Variants in DYNC2I1 observed in about 807,000 individuals in gnomAD.
The protein encoded by DYNC2I1 is cytoplasmic dynein 2 intermediate chain 1.
A neutral mutation model predicts 133.4 loss-of-function variants in DYNC2I1; 89 were observed. The ratio of observed to expected loss-of-function variants is 0.67; its 90% CI spans 0.56 to 0.80. The LOEUF (loss-of-function observed/expected upper bound fraction) is 0.80. Among genes scored for constraint, DYNC2I1 ranks in the 30% least tolerant of loss-of-function variants. DYNC2I1 has a pLI of 0.00. For missense variants in DYNC2I1, 1,291 were observed against 1,314.5 expected (o/e 0.98, Z 0.28); for synonymous variants, 504 against 484.3 (o/e 1.04, Z -0.54).
intron 24 of DYNC2I1, among the ~76,000 whole-genome samples, chr7:158,943,048 G>T (rs1851531084): frequency 6.6e-6 from 1 of 152,086 alleles, no homozygotes; most frequent in African/African-American, 2.4e-5. Context: ...CTACTGTGAG[G>T]GTTCATGTTG....
chr7:158,914,313 G>C lies in DYNC2I1; in HGVS notation c.1783G>C (p.Ala595Pro). 1.2e-6 allele frequency: 2 copies of C among 1,610,318 alleles called. No homozygotes were observed. Among genetic ancestry groups the C allele is most frequent in the East Asian group, 4.5e-5 (2 of 44,826 alleles). The change falls in exon 14 of 25, where the codon GCT becomes CCT. Residue 595 changes from alanine to proline, a missense_variant. Ala to Pro is a conservative substitution (Grantham distance 27). Coordinates refer to ENST00000407559, the MANE Select transcript of DYNC2I1 (RefSeq NM_018051.5). ...TPRLCSFLRA[A>P]CQVMAVLLEE... Reference sequence around the variant, plus strand: ...AAGGTTATGTAGCTTTCTGCGGGCTGCTTGTCAGGTATACTCAACCTATAT... The same window carrying C: ...AAGGTTATGTAGCTTTCTGCGGGCTCCTTGTCAGGTATACTCAACCTATAT...
chr7:158,939,968 C>A (rs1344363407), intron 23 of DYNC2I1, among the ~76,000 whole-genome samples: 1 of 152,088 alleles, frequency 6.6e-6, no homozygotes, highest in Non-Finnish European at 1.5e-5. Flanking sequence ...TCTATGTACC[C>A]AACACCAGAG....
Position 158,922,371 on chromosome 7 carries a change from C to G in DYNC2I1, c.1922-6C>G. The G allele has an allele frequency of 6.2e-7, 1 of 1,606,056 alleles. No individual in the cohort carries two copies. Among genetic ancestry groups the G allele is most frequent in the Non-Finnish European group, 8.5e-7 (1 of 1,178,858 alleles). On this transcript the variant is annotated splice_region_variant and splice_polypyrimidine_tract_variant and intron_variant, in intron 15 of 24. Coordinates refer to ENST00000407559, the MANE Select transcript of DYNC2I1 (RefSeq NM_018051.5). ...TGAAATGTGAACATATTTTTCTTCT[C>G]CCTAGATCGAAAAGTATCCTCCTTG...
At chr7:158,929,912 G>A (rs886160428) in intron 20 of DYNC2I1, among the ~76,000 whole-genome samples, 84 of 152,232 alleles carry the variant, frequency 5.5e-4, no homozygotes, top group African/African-American at 1.8e-3. Context: ...GTGGCTCTGT[G>A]TTGTTTGAGA....
At position 158,878,235 on chromosome 7, in the gene DYNC2I1, G is replaced by A. The variant is rs371495979; in HGVS notation, c.574-1449G>A. On this transcript the variant is annotated intron_variant, in intron 4 of 24. Transcript: ENST00000407559. The stretch of plus-strand genomic sequence containing the variant: ...CGGGTGCTGTGTGGGGAGGCCAGGA[G>A]GGCCGACTGTGAGTGCTGGGTGCCA... Among the ~76,000 whole-genome samples the A allele has an allele frequency of 6.0e-5, 9 of 149,072 alleles. No individual in the cohort carries two copies. In the South Asian group the frequency reaches 6.4e-4, roughly 11 times the overall value.
intron 1 of DYNC2I1, among the ~76,000 whole-genome samples, chr7:158,857,438 TC>T (rs1841379193): frequency 6.6e-6 from 1 of 152,194 alleles, no homozygotes; most frequent in African/African-American, 2.4e-5. Flanking sequence ...GCATACATTT[TC>T]TTCTACCTTC....
rs1842706321 is a variant in DYNC2I1 at position 158,869,639 on chromosome 7, A to AGG, written c.16-215_16-214dup. On this transcript the variant is annotated intron_variant, in intron 1 of 24. Coordinates refer to ENST00000407559, the MANE Select transcript of DYNC2I1 (RefSeq NM_018051.5). ...AATATTTAAGTTTTGAAGTAGCCAA[A>AGG]GGAACACATTTTATAATAATGTGTC... The AGG allele has an allele frequency of 8.9e-6, 5 of 562,866 alleles. No homozygotes were observed. In the Admixed American group the frequency reaches 1.2e-4, roughly 13 times the overall value. The allele number at this position is 562,866 out of a possible 1,614,324, so 34.9% of individuals were successfully genotyped here.
At chr7:158,880,112 A>G in intron 5 of DYNC2I1, 123 bp downstream of exon 5, 1 of 1,112,792 alleles carries the variant, frequency 9.0e-7, no homozygotes, top group Non-Finnish European at 1.3e-6. Context: ...GTAATTTAGG[A>G]AAAACGCAAC....
In DYNC2I1 at chr7:158,928,636, G is replaced by A. The variant is rs557579829; in HGVS notation, c.2485+1593G>A. ...CGGCACCCTCTCTGCTCATGGAGCC[G>A]TTCTGCTCTGTGTTGTCCACTCCAG... is the stretch of plus-strand genomic sequence containing the variant. On this transcript the variant is annotated intron_variant, in intron 20 of 24. Transcript: ENST00000407559. 1.2e-3 allele frequency among the ~76,000 whole-genome samples: 190 copies of A among 152,250 alleles called. 1 individual carries two copies. The highest frequency in any genetic ancestry group is 4.0e-3 in the African/African-American group (165 of 41,544).
intron 1 of DYNC2I1, among the ~76,000 whole-genome samples, chr7:158,867,195 G>A (rs1842487263): frequency 6.6e-6 from 1 of 152,142 alleles, no homozygotes; most frequent in Non-Finnish European, 1.5e-5. Flanking sequence ...TTGTACCAGG[G>A]TTGTGGGGTT....
intron 7 of DYNC2I1, among the ~76,000 whole-genome samples, chr7:158,889,030 A>AACATTT (rs1005578794): frequency 1.6e-5 from 2 of 123,320 alleles, no homozygotes; most frequent in Admixed American, 1.7e-4. Context: ...GCCAGTTTTA[A>AACATTT]ACATTTACAC....
At chr7:158,870,003 G>A in intron 2 of DYNC2I1, 95 bp downstream of exon 2, 1 of 1,055,476 alleles carries the variant, frequency 9.5e-7, no homozygotes. Flanking sequence ...TATAACTTTG[G>A]TTATGTGTGC....
At chr7:158,952,969 A>G (rs1852100095) in intron 4 of DYNC2I1, among the ~76,000 whole-genome samples, 1 of 152,166 alleles carries the variant, frequency 6.6e-6, no homozygotes, top group Non-Finnish European at 1.5e-5. Context: ...GCTCCTGCCC[A>G]ACCTCTGCCA....
At chr7:158,952,917 G>C (rs972759957) in intron 4 of DYNC2I1, among the ~76,000 whole-genome samples, 2 of 152,182 alleles carry the variant, frequency 1.3e-5, no homozygotes, top group African/African-American at 4.8e-5. Context: ...GAGCCTCAGC[G>C]CCTGCTGTGC....
intron 14 of DYNC2I1, among the ~76,000 whole-genome samples, chr7:158,915,654 G>T (rs868343409): frequency 1.7e-5 from 2 of 118,402 alleles, no homozygotes; most frequent in Non-Finnish European, 3.5e-5. Flanking sequence ...CCTCGACACG[G>T]TGGTTGACAT....
At chr7:158,909,330 C>G (rs1196024538) in intron 11 of DYNC2I1, among the ~76,000 whole-genome samples, 1 of 46,728 alleles carries the variant, frequency 2.1e-5, no homozygotes, top group African/African-American at 6.4e-5. Context: ...GACTCTGTCT[C>G]AAAAAAAAAA....
rs1229748010 is a variant in DYNC2I1 at position 158,922,464 on chromosome 7, C to G, written c.2009C>G (p.Pro670Arg). 6.2e-7 allele frequency: 1 copy of G among 1,613,830 alleles called. No homozygotes were observed. The highest frequency in any genetic ancestry group is 1.1e-5 in the South Asian group (1 of 91,088). Residue 670 changes from proline to arginine, a missense_variant, in exon 16 of 25, where the codon CCC (proline) becomes CGC (arginine). By Grantham distance (103) the Pro-to-Arg change is moderately radical. Transcript: ENST00000407559. ...GACTTACCCGAGAAGAGCTTTGTGCCCCTGCTGGACAGCAAATACGTCCTC... is the reference window on the plus strand; with the variant it reads ...GACTTACCCGAGAAGAGCTTTGTGCGCCTGCTGGACAGCAAATACGTCCTC... ...VHDLPEKSFV[P>R]LLDSKYVLCV...
chr7:158,866,526 G>A (rs966796263), intron 1 of DYNC2I1, among the ~76,000 whole-genome samples: 2 of 151,996 alleles, frequency 1.3e-5, no homozygotes, highest in African/African-American at 4.8e-5. Context: ...CTCGTGTCCT[G>A]GGTTCCATTC....
At chr7:158,852,311 G>C (rs1004116186), upstream of DYNC2I1, among the ~76,000 whole-genome samples, 1 of 151,820 alleles carries the variant, frequency 6.6e-6, no homozygotes, top group African/African-American at 2.4e-5. Flanking sequence ...TGGTAGAGAC[G>C]GGGTTTTACC....
Sources: gnomAD v4.1 joint callset for allele counts (sites outside exome capture counted in the v4.1 genomes callset) on GRCh38, gnomAD v4.1.1 for gene constraint, MANE v1.5 for transcripts, NCBI Gene and HGNC (gene_info 2026-07-23, HGNC 2026-07-21) for gene names.